Variants in SIPA1L3 observed in about 807,000 individuals in gnomAD.
SIPA1L3 encodes signal-induced proliferation-associated 1-like protein 3.
Under a neutral mutation model 150.1 loss-of-function variants are expected in SIPA1L3, and 59 were observed. The observed-to-expected ratio is 0.39, with a 90% CI of 0.32 to 0.49. SIPA1L3 has a LOEUF of 0.49. Among genes scored for constraint, SIPA1L3 ranks in the 20% least tolerant of loss-of-function variants. The pLI is 0.86. For missense variants in SIPA1L3, 2,211 were observed against 2,489.5 expected (o/e 0.89, Z 2.38); for synonymous variants, 1,070 against 1,077.6 (o/e 0.99, Z 0.14).
chr19:38,130,867 A>G (rs1971292896), intron 10 of SIPA1L3, 95 bp downstream of exon 10: 4 of 1,363,976 alleles, frequency 2.9e-6, no homozygotes, highest in African/African-American at 1.4e-5. Flanking sequence ...GTCCCAATAG[A>G]GGGGGGATAG....
At chr19:38,090,259 G>A (rs1005460476) in intron 4 of SIPA1L3, among the ~76,000 whole-genome samples, 5 of 151,150 alleles carry the variant, frequency 3.3e-5, no homozygotes, top group Admixed American at 3.3e-4. Context: ...GAACCCGGGA[G>A]GCAGAGGTTG....
rs183593498 is a variant in SIPA1L3, at chr19:38,018,320, C to T, written c.-378-10769C>T. Reference sequence around the variant, plus strand: ...CTGGGATCACAAGCGCGCACCATCACGCCTGGCAAATTTTTGTATTTTTAG... The same window carrying T: ...CTGGGATCACAAGCGCGCACCATCATGCCTGGCAAATTTTTGTATTTTTAG... On this transcript the variant is annotated intron_variant, in intron 1 of 21. Transcript: ENST00000222345. Among the ~76,000 whole-genome samples the T allele has an allele frequency of 9.9e-5, 15 of 151,882 alleles. No individual in the cohort carries two copies. In the South Asian group the frequency reaches 1.3e-3, roughly 13 times the overall value.
chr19:37,983,086 A>T (rs897873877), intron 1 of SIPA1L3, among the ~76,000 whole-genome samples: 1 of 152,178 alleles, frequency 6.6e-6, no homozygotes, highest in Non-Finnish European at 1.5e-5. Context: ...CCTTGCATCT[A>T]CTTCCCTTGG....
At chr19:38,049,228 C>T (rs1969131094) in intron 2 of SIPA1L3, among the ~76,000 whole-genome samples, 1 of 152,186 alleles carries the variant, frequency 6.6e-6, no homozygotes, top group South Asian at 2.1e-4. Context: ...CTCTATAGGT[C>T]CTTTCATTCC....
intron 1 of SIPA1L3, among the ~76,000 whole-genome samples, chr19:37,920,927 G>T (rs772226266): frequency 6.6e-6 from 1 of 152,130 alleles, no homozygotes; most frequent in Non-Finnish European, 1.5e-5. Context: ...TGCCTGTGGG[G>T]CCCCTCCCAC....
intron 12 of SIPA1L3, among the ~76,000 whole-genome samples, chr19:38,143,333 T>C (rs1971634050): frequency 6.6e-6 from 1 of 152,252 alleles, no homozygotes; most frequent in African/African-American, 2.4e-5. Context: ...ATCCTAGTCC[T>C]TGGGCCTGAG....
At chr19:38,126,720 G>A (rs1971181646) in intron 9 of SIPA1L3, among the ~76,000 whole-genome samples, 1 of 151,754 alleles carries the variant, frequency 6.6e-6, no homozygotes, top group South Asian at 2.1e-4. Context: ...ATTTTTAGTA[G>A]AGACGGGGTT....
intron 1 of SIPA1L3, among the ~76,000 whole-genome samples, chr19:38,003,289 G>A (rs1223357151): frequency 1.3e-5 from 2 of 152,202 alleles, no homozygotes; most frequent in Admixed American, 6.5e-5. Flanking sequence ...CACAAGAACC[G>A]CAGAGCCATA....
intron 8 of SIPA1L3, among the ~76,000 whole-genome samples, chr19:38,110,889 C>T (rs1970722043): frequency 1.3e-5 from 2 of 152,122 alleles, no homozygotes; most frequent in African/African-American, 4.8e-5. Flanking sequence ...AATCACCAGC[C>T]AGGCCTGGGC....
At chr19:37,921,197 A>G (rs2046454425) in intron 1 of SIPA1L3, among the ~76,000 whole-genome samples, 1 of 152,192 alleles carries the variant, frequency 6.6e-6, no homozygotes, top group African/African-American at 2.4e-5. Context: ...TGGTATTTCT[A>G]ATCAAGCTAG....
At chr19:38,059,883 C>T (rs1383759142) in intron 2 of SIPA1L3, among the ~76,000 whole-genome samples, 2 of 152,184 alleles carry the variant, frequency 1.3e-5, no homozygotes, top group African/African-American at 4.8e-5. Context: ...TCAAGCAATT[C>T]TCCTGCCTCA....
intron 2 of SIPA1L3, among the ~76,000 whole-genome samples, chr19:38,071,243 A>G (rs1969714032): frequency 1.3e-5 from 2 of 151,348 alleles, no homozygotes; most frequent in Admixed American, 6.6e-5. Context: ...CTATCTATCT[A>G]TCTATCTATC....
At chr19:37,947,487 T>C (rs868334516) in intron 1 of SIPA1L3, among the ~76,000 whole-genome samples, 2 of 138,700 alleles carry the variant, frequency 1.4e-5, no homozygotes, top group Non-Finnish European at 3.1e-5. Context: ...AGACTCCATA[T>C]CAAAAAAAAA....
chr19:37,968,544 T>C (rs545090724), intron 1 of SIPA1L3, among the ~76,000 whole-genome samples: 5 of 152,188 alleles, frequency 3.3e-5, no homozygotes, highest in African/African-American at 1.2e-4. Flanking sequence ...GGTCTTTGAG[T>C]CTCAGGTAAA....
At chr19:38,078,863 C>T (rs1392972171) in intron 2 of SIPA1L3, among the ~76,000 whole-genome samples, 2 of 152,264 alleles carry the variant, frequency 1.3e-5, no homozygotes, top group East Asian at 3.9e-4. Flanking sequence ...CCTTCCTCTC[C>T]AGCAGGATTT....
Position 37,937,620 on chromosome 19 carries a change from T to G in SIPA1L3, c.-379+30262T>G, listed in dbSNP as rs754761765. On this transcript the variant is annotated intron_variant, in intron 1 of 21. Transcript: ENST00000222345. Reference sequence around the variant, plus strand: ...AGCCAGGTGTGGTGGCATGCACTTGTGGTCCCAGCTACTTAGGAGGCTTAG... The same window carrying G: ...AGCCAGGTGTGGTGGCATGCACTTGGGGTCCCAGCTACTTAGGAGGCTTAG... Among the ~76,000 whole-genome samples, 66 of 150,352 alleles carry G rather than the reference T, an allele frequency of 4.4e-4. No homozygotes were observed. The Middle Eastern group carries it at 0.024, about 55-fold the overall frequency.
At position 38,149,312 on chromosome 19, in the gene SIPA1L3, G is replaced by A. The variant is rs572264132; in HGVS notation, c.3534-3528G>A. ...TGGGAGGCTGAGGAAAGAGAATATC[G>A]CTTGAACCCTGGAAGTGGAAGTTCG... is the stretch of plus-strand genomic sequence containing the variant. On this transcript the variant is annotated intron_variant, in intron 12 of 21. Coordinates refer to ENST00000222345, the MANE Select transcript of SIPA1L3 (RefSeq NM_015073.3). Among the ~76,000 whole-genome samples the A allele has an allele frequency of 4.6e-5, 7 of 152,204 alleles. No homozygotes were observed. In the South Asian group the frequency reaches 8.3e-4, roughly 18 times the overall value.
intron 2 of SIPA1L3, among the ~76,000 whole-genome samples, chr19:38,042,120 T>C (rs532366931): frequency 1.3e-5 from 2 of 152,356 alleles, no homozygotes; most frequent in South Asian, 2.1e-4. Flanking sequence ...AAAAAATCAT[T>C]GCCAAAGCCA....
intron 9 of SIPA1L3, among the ~76,000 whole-genome samples, chr19:38,126,944 GCA>G (rs1180871589): frequency 3.3e-5 from 5 of 151,926 alleles, no homozygotes; most frequent in Non-Finnish European, 7.4e-5. Context: ...TGTAATCCCA[GCA>G]CTTTGGGAGG....
Sources: allele counts gnomAD v4.1 joint callset (sites outside exome capture counted in the v4.1 genomes callset), GRCh38; gene constraint gnomAD v4.1.1; transcripts MANE v1.5; gene names NCBI Gene and HGNC (gene_info 2026-07-23, HGNC 2026-07-21).